The following SLC39A12 variants were observed in gnomAD, a reference collection of about 807,000 sequenced individuals.
SLC39A12 encodes solute carrier family 39 member 12.
In SLC39A12, 63 loss-of-function variants were observed where a neutral mutation model predicts 71.1. That is an observed-to-expected ratio of 0.89 (90% CI 0.72 to 1.09). SLC39A12 has a LOEUF of 1.09. Among genes scored for constraint, SLC39A12 ranks in the 50% least tolerant of loss-of-function variants. SLC39A12 has a pLI of 0.00. For synonymous variants in SLC39A12, 351 were observed against 301.3 expected, an observed-to-expected ratio of 1.16 and a Z score of -1.71; for missense variants, 892 against 812.6, an observed-to-expected ratio of 1.10 and a Z score of -1.19.
intron 6 of SLC39A12, among the ~76,000 whole-genome samples, chr10:17,985,535 C>T (rs562990215): frequency 1.1e-4 from 16 of 151,870 alleles, no homozygotes; most frequent in African/African-American, 3.9e-4. Context: ...TATCCATAGT[C>T]ACTGAAGAAA....
At chr10:18,005,653 G>A (rs1002706023) in intron 12 of SLC39A12, 1 of 152,186 alleles carries the variant, frequency 6.6e-6, no homozygotes, top group African/African-American at 2.4e-5. Context: ...GTTATCAAGA[G>A]CCATTTGTCA....
At chr10:17,974,566 C>T (rs1349873927) in intron 4 of SLC39A12, among the ~76,000 whole-genome samples, 2 of 152,194 alleles carry the variant, frequency 1.3e-5, no homozygotes, top group African/African-American at 4.8e-5. Context: ...CTGGAGAATT[C>T]TTTGGATTAC....
chr10:17,989,607 GT>G (rs34607936), intron 7 of SLC39A12, among the ~76,000 whole-genome samples: 103,353 of 150,888 alleles, frequency 0.68, 35,778 homozygotes, highest in Non-Finnish European at 0.74. Context: ...TTTGTAGACA[GT>G]TTTTTTTTTG....
chr10:17,953,115 C>A, intron 1 of SLC39A12, 76 bp from the exon 2 acceptor site: 1 of 892,320 alleles, frequency 1.1e-6, no homozygotes, highest in Non-Finnish European at 1.7e-6. Context: ...ATCAGCTTAG[C>A]CACCCAATTA....
At chr10:18,029,491 A>G (rs893496085) in intron 12 of SLC39A12, among the ~76,000 whole-genome samples, 1 of 152,226 alleles carries the variant, frequency 6.6e-6, no homozygotes, top group Non-Finnish European at 1.5e-5. Context: ...ACATAGTGGT[A>G]AAAAAGGAAG....
intron 4 of SLC39A12, among the ~76,000 whole-genome samples, chr10:17,967,751 A>G (rs1044101831): frequency 2.0e-5 from 3 of 151,250 alleles, no homozygotes; most frequent in Non-Finnish European, 4.4e-5. Flanking sequence ...GCCAGGCGTG[A>G]TGGCGGGCGC....
intron 12 of SLC39A12, among the ~76,000 whole-genome samples, chr10:18,017,445 A>G (rs1836416710): frequency 6.6e-6 from 1 of 152,142 alleles, no homozygotes; most frequent in Admixed American, 6.5e-5. Flanking sequence ...AGTAGCTAGG[A>G]TTACAGGTGC....
In SLC39A12 at chr10:18,042,023, T is replaced by A. The variant is rs533212208; in HGVS notation, c.1948-682T>A. Among the ~76,000 whole-genome samples, 14 of 151,934 alleles carry A rather than the reference T, an allele frequency of 9.2e-5. No homozygotes were observed. The East Asian group carries it at 2.7e-3, about 29-fold the overall frequency. On this transcript the variant is annotated intron_variant, in intron 12 of 12. Transcript: ENST00000377369. ...TTTCTTCCTCCCTCCTCCCATAATA[T>A]GTATATATGCCTTACATCAACCTGT...
At chr10:18,026,584 G>A (rs1304401300) in intron 12 of SLC39A12, among the ~76,000 whole-genome samples, 1 of 151,908 alleles carries the variant, frequency 6.6e-6, no homozygotes, top group Non-Finnish European at 1.5e-5. Flanking sequence ...ACATTAATTT[G>A]GAGAAATTCT....
chr10:18,033,669 T>C (rs1280569108), intron 12 of SLC39A12, among the ~76,000 whole-genome samples: 1 of 145,704 alleles, frequency 6.9e-6, no homozygotes, highest in Non-Finnish European at 1.5e-5. Flanking sequence ...GCTCTGATTT[T>C]AGTTATTTCT....
chr10:18,020,089 C>T (rs536675523), intron 12 of SLC39A12, among the ~76,000 whole-genome samples: 13 of 152,056 alleles, frequency 8.5e-5, no homozygotes, highest in Non-Finnish European at 1.6e-4. Context: ...ATTTTGTCAC[C>T]TTGGCAATCA....
chr10:17,988,805 G>T (rs1835469252), intron 7 of SLC39A12, among the ~76,000 whole-genome samples: 1 of 152,222 alleles, frequency 6.6e-6, no homozygotes, highest in East Asian at 1.9e-4. Context: ...CCAGTGGACA[G>T]CTTCCCCACA....
chr10:17,970,671 AGTTTGTGTGTGTGTGT>A (rs1834946229), intron 4 of SLC39A12, among the ~76,000 whole-genome samples: 1 of 118,816 alleles, frequency 8.4e-6, no homozygotes, highest in African/African-American at 3.5e-5. Context: ...CAGTTCTAAT[AGTTTGTGTGTGTGTGT>A]GTGTGTGTGT....
chr10:18,025,829 C>T (rs1388607709), intron 12 of SLC39A12, among the ~76,000 whole-genome samples: 1 of 152,102 alleles, frequency 6.6e-6, no homozygotes, highest in Non-Finnish European at 1.5e-5. Context: ...CACCATGGTT[C>T]TCTTATTTTT....
intron 12 of SLC39A12, among the ~76,000 whole-genome samples, chr10:18,020,910 T>G (rs981969493): frequency 6.6e-6 from 1 of 152,202 alleles, no homozygotes; most frequent in Non-Finnish European, 1.5e-5. Flanking sequence ...TTTTTCCCAT[T>G]CTGTAGGCTG....
intron 12 of SLC39A12, among the ~76,000 whole-genome samples, chr10:18,007,669 T>C (rs1761333553): frequency 6.6e-6 from 1 of 151,730 alleles, no homozygotes; most frequent in South Asian, 2.1e-4. Context: ...GATTATTCAT[T>C]CCCCCCCCTT....
chr10:17,952,727 T>A (rs952339329), intron 1 of SLC39A12, among the ~76,000 whole-genome samples: 8 of 152,194 alleles, frequency 5.3e-5, no homozygotes, highest in African/African-American at 1.9e-4. Flanking sequence ...GACCTCGTGA[T>A]CTGCCTGCTT....
chr10:17,959,515 A>G (rs74118050), intron 2 of SLC39A12, among the ~76,000 whole-genome samples: 6,623 of 152,076 alleles, frequency 0.044, 480 homozygotes, highest in African/African-American at 0.15. Context: ...AACCCCCAAA[A>G]CTTCCACTTC....
chr10:17,991,504 A>G (rs2497753), intron 8 of SLC39A12, among the ~76,000 whole-genome samples: 135,304 of 152,170 alleles, frequency 0.89, 60,206 homozygotes, highest in Non-Finnish European at 0.89. Context: ...TAATGTACTT[A>G]TTAAGACCTT....
Sources: allele counts gnomAD v4.1 joint callset (sites outside exome capture counted in the v4.1 genomes callset), GRCh38; gene constraint gnomAD v4.1.1; transcripts MANE v1.5; gene names NCBI Gene and HGNC (gene_info 2026-07-23, HGNC 2026-07-21).